Variants in FAM118A observed in about 807,000 individuals in gnomAD.
FAM118A encodes SIR2 antiphage like 2.
FAM118A carries 25 observed loss-of-function variants against 38.2 expected under a neutral mutation model. The ratio of observed to expected loss-of-function variants is 0.65; its 90% CI spans 0.48 to 0.91. The LOEUF (loss-of-function observed/expected upper bound fraction) is 0.91. FAM118A is among the 40% of genes least tolerant of loss of function. The probability of loss-of-function intolerance (pLI) is 0.00; values close to 1 mark genes in which losing one functional copy is unlikely to be tolerated. For synonymous variants in FAM118A, 178 were observed against 184.1 expected (o/e 0.97, Z 0.27); for missense variants, 425 against 463.3 (o/e 0.92, Z 0.76).
intron 1 of FAM118A, chr22:45,318,622 C>A (rs546259811): frequency 1.3e-5 from 2 of 152,266 alleles, no homozygotes; most frequent in Middle Eastern, 3.4e-3. Context: ...GTTTAGGCTG[C>A]TGTAAAACAG....
At chr22:45,339,213 T>C (rs981855001) in intron 8 of FAM118A, among the ~76,000 whole-genome samples, 4 of 152,180 alleles carry the variant, frequency 2.6e-5, no homozygotes, top group African/African-American at 9.7e-5. Context: ...CTGGCCAACA[T>C]GGCGAAACCC....
chr22:45,312,271 A>C (rs1343307433), intron 1 of FAM118A, among the ~76,000 whole-genome samples: 2 of 152,192 alleles, frequency 1.3e-5, no homozygotes, highest in African/African-American at 4.8e-5. Flanking sequence ...TTGAGGGCTC[A>C]GTCCCCCAAG....
intron 3 of FAM118A, 57 bp downstream of exon 3, chr22:45,323,484 A>T: frequency 4.4e-6 from 7 of 1,585,368 alleles, no homozygotes; most frequent in Non-Finnish European, 6.0e-6. Context: ...AGGTTGGATG[A>T]GTCTGTGAAC....
At chr22:45,322,211 T>G (rs767189126) in intron 1 of FAM118A, 160 bp from the exon 2 acceptor site, 2 of 1,532,728 alleles carry the variant, frequency 1.3e-6, no homozygotes, top group Non-Finnish European at 1.8e-6. Flanking sequence ...GGAAGCATTT[T>G]GGATGTACGT....
chr22:45,332,435 A>C lies in FAM118A; in HGVS notation c.662A>C (p.Gln221Pro), dbSNP rs1265439200. Residue 221 changes from glutamine (Q) to proline (P), a missense_variant, in exon 6 of 9, where the codon CAG (glutamine) becomes CCG (proline). By Grantham distance (76) the Gln-to-Pro change is moderately conservative. Transcript: ENST00000441876. ...TQDAEVMEVL[Q>P]NLYRTKSFLF... is the part of the protein sequence containing the mutation. The stretch of plus-strand genomic sequence containing the variant: ...ATTGGCCTTTTCTAGGAAGTCCTCC[A>C]GAACTTATACCGCACCAAGTCCTTT... The C allele has an allele frequency of 3.7e-6, 6 of 1,611,500 alleles. No individual in the cohort carries two copies. In the East Asian group the frequency reaches 1.3e-4, roughly 36 times the overall value.
chr22:45,309,783 G>T, upstream of FAM118A: 1 of 151,572 alleles, frequency 6.6e-6, no homozygotes, highest in South Asian at 2.0e-4. Flanking sequence ...TCACCGAGGT[G>T]GGCGGTGCCA....
At chr22:45,314,734 G>A (rs183629638) in intron 1 of FAM118A, among the ~76,000 whole-genome samples, 113 of 152,352 alleles carry the variant, frequency 7.4e-4, no homozygotes, top group Admixed American at 1.6e-3. Flanking sequence ...CTGTCTTGGC[G>A]TGTTTTAACA....
rs2084929119 is a variant in FAM118A, at chr22:45,322,368, T to C, written c.-9-3T>C. 6.2e-7 allele frequency: 1 copy of C among 1,607,028 alleles called. No individual in the cohort carries two copies. The highest frequency in any genetic ancestry group is 8.5e-7 in the Non-Finnish European group (1 of 1,178,184). On this transcript the variant is annotated splice_polypyrimidine_tract_variant and splice_region_variant and intron_variant, in intron 1 of 8. Coordinates refer to ENST00000441876, the MANE Select transcript of FAM118A (RefSeq NM_017911.4). ...GTCACTTCTGACTAATTTTTCTCTT[T>C]AGAATTCACAGATGGATTCAGTGGA...
chr22:45,331,580 C>G (rs1166928111), intron 5 of FAM118A, among the ~76,000 whole-genome samples: 1 of 152,154 alleles, frequency 6.6e-6, no homozygotes, highest in African/African-American at 2.4e-5. Flanking sequence ...TGTGGAAAAG[C>G]TGTGCTTCTG....
rs1343225222 is a variant in FAM118A, at chr22:45,322,430, A to C, written c.47+4A>C. On this transcript the variant is annotated splice_donor_region_variant and intron_variant, in intron 2 of 8. Coordinates refer to ENST00000441876, the MANE Select transcript of FAM118A (RefSeq NM_017911.4). Reference sequence around the variant, plus strand: ...ATAGAAGTGAACAAAAATCCAGGTAATTAAAGGCAACTATACCTTCAAGCA... The same window carrying C: ...ATAGAAGTGAACAAAAATCCAGGTACTTAAAGGCAACTATACCTTCAAGCA... 6.2e-7 allele frequency: 1 copy of C among 1,609,194 alleles called. No homozygotes were observed. The highest frequency in any genetic ancestry group is 1.3e-5 in the African/African-American group (1 of 74,570).
intron 5 of FAM118A, among the ~76,000 whole-genome samples, chr22:45,331,897 CCCT>C (rs3041141): frequency 0.44 from 66,317 of 151,586 alleles, 18,532 homozygotes; most frequent in African/African-American, 0.79. Flanking sequence ...GTCACTGATC[CCCT>C]CCTCAGCTCT....
At chr22:45,324,921 C>G (rs1396259673) in intron 3 of FAM118A, among the ~76,000 whole-genome samples, 2 of 152,198 alleles carry the variant, frequency 1.3e-5, no homozygotes, top group Non-Finnish European at 2.9e-5. Flanking sequence ...GTGGCAGGCG[C>G]CTGTAATCCC....
chr22:45,330,545 C>T (rs1601957557), intron 4 of FAM118A, 58 bp from the exon 5 acceptor site: 1 of 1,458,878 alleles, frequency 6.9e-7, no homozygotes, highest in East Asian at 2.5e-5. Context: ...GTATTTTCTT[C>T]TCTCTGTTTG....
At chr22:45,317,311 G>T (rs558924663) in intron 1 of FAM118A, among the ~76,000 whole-genome samples, 1 of 152,244 alleles carries the variant, frequency 6.6e-6, no homozygotes, top group African/African-American at 2.4e-5. Context: ...CCCGGGAGGC[G>T]GAGGTTGCAC....
upstream of FAM118A, chr22:45,309,357 T>C (rs1338132401): frequency 6.6e-6 from 1 of 152,150 alleles, no homozygotes; most frequent in African/African-American, 2.4e-5. Flanking sequence ...GTACCGGCTC[T>C]CAGGGGAAGT....
At chr22:45,339,906 C>G (rs973104239) in intron 8 of FAM118A, among the ~76,000 whole-genome samples, 18 of 152,190 alleles carry the variant, frequency 1.2e-4, no homozygotes, top group African/African-American at 4.3e-4. Flanking sequence ...CCATCACCTG[C>G]ACCTGCAGCC....
upstream of FAM118A, chr22:45,309,864 G>C (rs2084285843): frequency 6.6e-6 from 1 of 152,082 alleles, no homozygotes; most frequent in Admixed American, 6.6e-5. Context: ...GGGCCTCCGG[G>C]GACCGCGGGG....
At chr22:45,334,086 A>G (rs2085918345) in intron 6 of FAM118A, among the ~76,000 whole-genome samples, 1 of 152,160 alleles carries the variant, frequency 6.6e-6, no homozygotes, top group African/African-American at 2.4e-5. Context: ...TTTTTCACGT[A>G]ATGTATTTTC....
intron 7 of FAM118A, 96 bp downstream of exon 7, chr22:45,335,478 C>T: frequency 1.4e-6 from 2 of 1,421,004 alleles, no homozygotes; most frequent in Non-Finnish European, 2.0e-6. Context: ...TTGTTTTTCA[C>T]CTTAAATAAT....
Sources: gnomAD v4.1 joint callset for allele counts (sites outside exome capture counted in the v4.1 genomes callset) on GRCh38, gnomAD v4.1.1 for gene constraint, MANE v1.5 for transcripts, NCBI Gene and HGNC (gene_info 2026-07-23, HGNC 2026-07-21) for gene names.